CCDC7: variants seen among roughly 807,000 people sequenced by gnomAD.
CCDC7 encodes the protein coiled-coil domain containing 7.
Under a neutral mutation model 196.9 loss-of-function variants are expected in CCDC7, and 183 were observed. The ratio of observed to expected loss-of-function variants is 0.93; its 90% confidence interval spans 0.82 to 1.05. The LOEUF is 1.05. Among genes scored for constraint, CCDC7 ranks in the 50% least tolerant of loss-of-function variants. CCDC7 has a pLI of 0.00. For missense variants in CCDC7, 1,540 were observed against 1,482.2 expected (o/e 1.04, Z -0.64); for synonymous variants, 525 against 484.6 (o/e 1.08, Z -1.10).
At chr10:32,867,212 G>A (rs2226143) in intron 41 of CCDC7, among the ~76,000 whole-genome samples, 138,764 of 151,606 alleles carry the variant, frequency 0.92, 64,703 homozygotes, top group East Asian at 1. Context: ...GAATTAGATG[G>A]TAAGTTGAGT....
chr10:32,504,945 C>T (rs1404716396), intron 9 of CCDC7, among the ~76,000 whole-genome samples: 5 of 152,040 alleles, frequency 3.3e-5, no homozygotes, highest in East Asian at 1.9e-4. Flanking sequence ...CGTTCAAGTC[C>T]GATGTTTCCG....
chr10:32,725,625 C>T (rs2083008666), intron 25 of CCDC7, among the ~76,000 whole-genome samples: 1 of 152,012 alleles, frequency 6.6e-6, no homozygotes, highest in Non-Finnish European at 1.5e-5. Flanking sequence ...AGATATGGTA[C>T]CAACATCTGT....
At chr10:32,586,508 G>A (rs1302305916) in intron 18 of CCDC7, among the ~76,000 whole-genome samples, 3 of 152,108 alleles carry the variant, frequency 2.0e-5, no homozygotes, top group Non-Finnish European at 2.9e-5. Flanking sequence ...ATGGTTTTAG[G>A]TCCTATGTTT....
At chr10:32,625,676 T>A (rs2063946584) in intron 18 of CCDC7, among the ~76,000 whole-genome samples, 1 of 152,094 alleles carries the variant, frequency 6.6e-6, no homozygotes, top group Admixed American at 6.6e-5. Flanking sequence ...TCAAAAAACC[T>A]TTATTCCTCG....
At chr10:32,866,772 G>T (rs891596171) in intron 41 of CCDC7, among the ~76,000 whole-genome samples, 1 of 151,560 alleles carries the variant, frequency 6.6e-6, no homozygotes, top group Non-Finnish European at 1.5e-5. Context: ...AAATTAATGG[G>T]TGAGTTTATG....
chr10:32,689,040 T>A lies in CCDC7; in HGVS notation c.2234-13T>A, dbSNP rs772784201. 1 of 1,495,168 alleles carries A rather than the reference T, an allele frequency of 6.7e-7. No individual in the cohort carries two copies. The highest frequency in any genetic ancestry group is 1.7e-5 in the Admixed American group (1 of 58,136). 92.6% of individuals were successfully genotyped at this position (1,495,168 alleles called of 1,614,324 possible). A position where few individuals can be genotyped will look rare whatever the true frequency, so the allele number is the denominator to read the frequency against. On this transcript the variant is annotated splice_polypyrimidine_tract_variant and intron_variant, in intron 22 of 41. Coordinates refer to ENST00000639629, the Ensembl canonical transcript of CCDC7. ...TTTGTAATTTAGCGGACTAAACACA[T>A]CTTTTTCTGTAGCTCCTGATAAAGA...
chr10:32,459,201 A>G (rs998498542), intron 3 of CCDC7, among the ~76,000 whole-genome samples: 3 of 152,124 alleles, frequency 2.0e-5, no homozygotes, highest in African/African-American at 4.8e-5. Flanking sequence ...TCTTCTATGT[A>G]TATGATATGT....
chr10:32,553,335 T>C (rs2053802385), intron 13 of CCDC7, among the ~76,000 whole-genome samples: 1 of 152,114 alleles, frequency 6.6e-6, no homozygotes, highest in Non-Finnish European at 1.5e-5. Context: ...GTTGTATCAT[T>C]TTTTGGATTT....
intron 9 of CCDC7, among the ~76,000 whole-genome samples, chr10:32,498,226 G>A (rs543275055): frequency 6.6e-6 from 1 of 151,330 alleles, no homozygotes; most frequent in East Asian, 1.9e-4. Context: ...GCTTTTTTTT[G>A]CTTTCCATTT....
At chr10:32,689,278 C>T (rs1197865216) in intron 23 of CCDC7, 115 bp downstream of exon 24, 1 of 640,346 alleles carries the variant, frequency 1.6e-6, no homozygotes, top group Non-Finnish European at 2.6e-6. Flanking sequence ...AATACCCTAC[C>T]ATAATTAAAG....
intron 29 of CCDC7, among the ~76,000 whole-genome samples, chr10:32,792,096 C>T (rs1316465391): frequency 2.0e-5 from 3 of 152,034 alleles, no homozygotes; most frequent in African/African-American, 7.2e-5. Flanking sequence ...GAATACTATA[C>T]CCATCAAAGA....
chr10:32,575,159 T>C (rs2058050361), intron 16 of CCDC7, among the ~76,000 whole-genome samples: 1 of 152,146 alleles, frequency 6.6e-6, no homozygotes, highest in Non-Finnish European at 1.5e-5. Flanking sequence ...TTAGATTGGG[T>C]GGTCAAGGAA....
chr10:32,609,409 G>A (rs2061861203), intron 18 of CCDC7, among the ~76,000 whole-genome samples: 1 of 151,968 alleles, frequency 6.6e-6, no homozygotes, highest in Admixed American at 6.6e-5. Context: ...TTTTTTATCT[G>A]ATATAGATAT....
intron 11 of CCDC7, among the ~76,000 whole-genome samples, chr10:32,525,737 A>G (rs1170646888): frequency 6.6e-6 from 1 of 152,250 alleles, no homozygotes; most frequent in East Asian, 1.9e-4. Context: ...CCCAAGCCCA[A>G]TAATGCTGTA....
At chr10:32,450,130 A>G (rs2032639368), upstream of CCDC7, among the ~76,000 whole-genome samples, 1 of 152,248 alleles carries the variant, frequency 6.6e-6, no homozygotes, top group African/African-American at 2.4e-5. Context: ...TCTGGAGGCC[A>G]GAAAACTGAA....
chr10:32,780,213 G>C (rs931856699), intron 29 of CCDC7, among the ~76,000 whole-genome samples: 17 of 152,292 alleles, frequency 1.1e-4, no homozygotes, highest in East Asian at 9.6e-4. Flanking sequence ...CTCCAGCCTG[G>C]CTACAGAGCA....
intron 28 of CCDC7, among the ~76,000 whole-genome samples, chr10:32,760,280 A>T (rs1251555667): frequency 1.3e-5 from 2 of 152,214 alleles, no homozygotes; most frequent in African/African-American, 2.4e-5. Context: ...ATACTGCTAT[A>T]AAGACACATG....
intron 30 of CCDC7, among the ~76,000 whole-genome samples, chr10:32,809,413 TAATTC>T (rs2086579782): frequency 6.6e-6 from 1 of 152,078 alleles, no homozygotes; most frequent in Admixed American, 6.6e-5. Flanking sequence ...AGAAATCCCA[TAATTC>T]AATTCAATTA....
intron 33 of CCDC7, among the ~76,000 whole-genome samples, chr10:32,835,896 G>A (rs1295160324): frequency 1.3e-5 from 2 of 152,054 alleles, no homozygotes; most frequent in East Asian, 1.9e-4. Flanking sequence ...GGCTTAGAGA[G>A]GAAAGTTGCC....
Sources: allele counts gnomAD v4.1 joint callset (sites outside exome capture counted in the v4.1 genomes callset), GRCh38; gene constraint gnomAD v4.1.1; transcripts MANE v1.5; gene names NCBI Gene and HGNC (gene_info 2026-07-23, HGNC 2026-07-21).